The following ASB2 variants were observed in gnomAD, a reference collection of about 807,000 sequenced individuals.
The protein encoded by ASB2 is ankyrin repeat and SOCS box protein 2.
ASB2 carries 58 observed loss-of-function variants against 62.4 expected under a neutral mutation model. That is an observed-to-expected ratio of 0.93 (90% CI 0.75 to 1.16). The LOEUF is 1.16. Ranked by LOEUF, ASB2 falls within the 50% of genes most tolerant of loss-of-function variation. The probability of loss-of-function intolerance (pLI) is 0.00; values close to 1 mark genes in which losing one functional copy is unlikely to be tolerated. For synonymous variants in ASB2, 386 were observed against 385.3 expected, an observed-to-expected ratio of 1.00 and a Z score of -0.02; for missense variants, 928 against 887.9, an observed-to-expected ratio of 1.05 and a Z score of -0.57.
rs1298550260 is a variant in ASB2, at chr14:93,939,170, G to C, written c.1555C>G (p.Pro519Ala). The C allele has an allele frequency of 7.6e-6, 12 of 1,572,010 alleles. No homozygotes were observed. In the East Asian group the frequency reaches 2.8e-4, roughly 36 times the overall value. Reference protein sequence around the residue: ...LYGNGPHPPAPQPSSRFNDAP... With the variant: ...LYGNGPHPPAAQPSSRFNDAP... ...TCGTTGAACCTGCTGGAGGGCTGCGGGGCCGGCGGGTGCGGGCCGTTGCCG... is the reference window on the plus strand; with the variant it reads ...TCGTTGAACCTGCTGGAGGGCTGCGCGGCCGGCGGGTGCGGGCCGTTGCCG... The change falls in exon 8 of 10, where the codon CCG (proline) becomes GCG (alanine). Residue 519 changes from proline (P) to alanine (A), a missense_variant. Coordinates refer to ENST00000555019, the MANE Select transcript of ASB2 (RefSeq NM_001202429.2).
At chr14:93,975,387 G>A (rs964463572) in intron 1 of ASB2, among the ~76,000 whole-genome samples, 1 of 152,178 alleles carries the variant, frequency 6.6e-6, no homozygotes, top group South Asian at 2.1e-4. Context: ...CCTCCAAGGG[G>A]AATGGGCCAC....
intron 2 of ASB2, among the ~76,000 whole-genome samples, chr14:93,963,475 C>T (rs1889477705): frequency 6.6e-6 from 1 of 152,160 alleles, no homozygotes; most frequent in Non-Finnish European, 1.5e-5. Flanking sequence ...CACCGCTCTG[C>T]TTAATCACCT....
chr14:93,973,728 C>T (rs768616118), intron 1 of ASB2, among the ~76,000 whole-genome samples: 1 of 152,364 alleles, frequency 6.6e-6, no homozygotes, highest in Middle Eastern at 3.4e-3. Context: ...GGCTCAGACA[C>T]TCACAGCTCA....
intron 2 of ASB2, among the ~76,000 whole-genome samples, chr14:93,960,677 ATGATCCTCATT>A (rs1215999294): frequency 6.6e-6 from 1 of 152,164 alleles, no homozygotes; most frequent in African/African-American, 2.4e-5. Context: ...AGCTTGGCAA[ATGATCCTCATT>A]TGATCCTCAT....
chr14:93,951,380 T>C, intron 5 of ASB2, 136 bp from the exon 6 acceptor site: 1 of 1,040,294 alleles, frequency 9.6e-7, no homozygotes, highest in Non-Finnish European at 1.4e-6. Context: ...TTCCAATCCC[T>C]GCATTGAACC....
chr14:93,956,661 GC>G (rs1889220552), intron 3 of ASB2, 104 bp downstream of exon 3: 1 of 1,481,778 alleles, frequency 6.7e-7, no homozygotes, highest in Non-Finnish European at 9.4e-7. Context: ...CCTCCATAGT[GC>G]CCTCTGCCCT....
chr14:93,938,818 G>A (rs1888378856), intron 8 of ASB2, among the ~76,000 whole-genome samples: 1 of 152,180 alleles, frequency 6.6e-6, no homozygotes, highest in Admixed American at 6.5e-5. Flanking sequence ...GGCCTCTTAA[G>A]TGTGCTAACC....
chr14:93,970,228 G>A (rs74075651), intron 1 of ASB2, among the ~76,000 whole-genome samples: 217 of 152,314 alleles, frequency 1.4e-3, no homozygotes, highest in African/African-American at 4.7e-3. Context: ...CTGGGAAGGC[G>A]GGGCCAAGAA....
At chr14:93,963,094 G>T (rs1166118908) in intron 2 of ASB2, among the ~76,000 whole-genome samples, 3 of 152,244 alleles carry the variant, frequency 2.0e-5, no homozygotes, top group African/African-American at 7.2e-5. Context: ...GACAGAGATG[G>T]TCCAGCCTCG....
At chr14:93,959,010 G>A (rs1889320006) in intron 2 of ASB2, among the ~76,000 whole-genome samples, 1 of 152,188 alleles carries the variant, frequency 6.6e-6, no homozygotes, top group African/African-American at 2.4e-5. Context: ...TGGTGATGAT[G>A]ACAGTTTCTA....
intron 2 of ASB2, chr14:93,957,074 A>ATTC: frequency 1.4e-6 from 2 of 1,453,148 alleles, no homozygotes; most frequent in Non-Finnish European, 1.8e-6. Flanking sequence ...TGGCCCTTGG[A>ATTC]GGAAGCCCTG....
At chr14:93,949,970 G>A (rs557545121) in intron 6 of ASB2, among the ~76,000 whole-genome samples, 1 of 152,290 alleles carries the variant, frequency 6.6e-6, no homozygotes, top group South Asian at 2.1e-4. Context: ...CCGTGCTGCC[G>A]ACTCTCACAG....
intron 1 of ASB2, among the ~76,000 whole-genome samples, chr14:93,969,316 G>A (rs1279474122): frequency 6.6e-6 from 1 of 152,196 alleles, no homozygotes; most frequent in Non-Finnish European, 1.5e-5. Flanking sequence ...TGGCACGAGG[G>A]GGAAGTTATG....
At chr14:93,953,538 G>A (rs745791435) in intron 4 of ASB2, 31 bp from the exon 5 acceptor site, 141 of 1,552,658 alleles carry the variant, frequency 9.1e-5, no homozygotes, top group Non-Finnish European at 1.2e-4. Context: ...AATTCATGTA[G>A]GAGAAAGATA....
chr14:93,974,764 T>C lies in ASB2; in HGVS notation c.-74+1670A>G, dbSNP rs148898520. On this transcript the variant is annotated intron_variant, in intron 1 of 9. Coordinates refer to ENST00000555019, the MANE Select transcript of ASB2 (RefSeq NM_001202429.2). ...CCAGACCTGAAAATGGGAGTAACGA[T>C]CACCTGTAACTCATGGTAGCCTTGA... Among the ~76,000 whole-genome samples the C allele has an allele frequency of 4.0e-3, 604 of 152,292 alleles. 3 individuals carry two copies. The highest frequency in any genetic ancestry group is 0.014 in the African/African-American group (583 of 41,560).
chr14:93,963,151 C>T lies in ASB2; in HGVS notation c.206+1183G>A, dbSNP rs192299748. On this transcript the variant is annotated intron_variant, in intron 2 of 9. Coordinates refer to ENST00000555019, the MANE Select transcript of ASB2 (RefSeq NM_001202429.2). ...GGACAGGGCTGAGATGCACCATCACCCACCTTCATCCCCTGTCAACTGTGA... is the reference window on the plus strand; with the variant it reads ...GGACAGGGCTGAGATGCACCATCACTCACCTTCATCCCCTGTCAACTGTGA... Among the ~76,000 whole-genome samples the T allele has an allele frequency of 3.9e-5, 6 of 152,352 alleles. No individual in the cohort carries two copies. The East Asian group carries it at 1.2e-3, about 29-fold the overall frequency.
At chr14:93,939,867 C>G in intron 7 of ASB2, 195 bp from the exon 8 acceptor site, 1 of 465,526 alleles carries the variant, frequency 2.1e-6, no homozygotes, top group Non-Finnish European at 3.7e-6. Flanking sequence ...GGTCGGCTGC[C>G]GTCTCCGCTT....
At chr14:93,970,204 T>G (rs75024865) in intron 1 of ASB2, among the ~76,000 whole-genome samples, 1 of 152,104 alleles carries the variant, frequency 6.6e-6, no homozygotes, top group South Asian at 2.1e-4. Context: ...AACTGGGGGC[T>G]AGAGGAGACA....
intron 7 of ASB2, chr14:93,941,406 C>G: frequency 3.1e-6 from 1 of 318,890 alleles, no homozygotes; most frequent in Non-Finnish European, 6.2e-6. Flanking sequence ...ACACAGGCTT[C>G]CTGGAAATCT....
Sources: gnomAD v4.1 joint callset for allele counts (sites outside exome capture counted in the v4.1 genomes callset) on GRCh38, gnomAD v4.1.1 for gene constraint, MANE v1.5 for transcripts, NCBI Gene and HGNC (gene_info 2026-07-23, HGNC 2026-07-21) for gene names.